VWA3A: variants seen among roughly 807,000 people sequenced by gnomAD.
The protein encoded by VWA3A is von Willebrand factor A domain containing 3A.
VWA3A carries 134 observed loss-of-function variants against 160.4 expected under a neutral mutation model. The observed-to-expected ratio is 0.84, with a 90% CI of 0.73 to 0.96. The LOEUF is 0.96. Among genes scored for constraint, VWA3A ranks in the 40% least tolerant of loss-of-function variants. The pLI, the probability that VWA3A is intolerant of heterozygous loss-of-function variation, is 0.00. For synonymous variants in VWA3A, 476 were observed against 543.4 expected, an observed-to-expected ratio of 0.88 and a Z score of 1.72; for missense variants, 1,310 against 1,447.9, an observed-to-expected ratio of 0.90 and a Z score of 1.55.
intron 1 of VWA3A, 27 bp downstream of exon 1, chr16:22,092,678 C>G: frequency 1.3e-6 from 2 of 1,550,422 alleles, no homozygotes; most frequent in Non-Finnish European, 1.7e-6. Flanking sequence ...CAAGGGTTGA[C>G]AGGGGTGGTG....
intron 22 of VWA3A, among the ~76,000 whole-genome samples, chr16:22,139,775 G>A (rs1025213334): frequency 2.6e-5 from 4 of 152,116 alleles, no homozygotes; most frequent in African/African-American, 9.7e-5. Context: ...TTGTCATGCT[G>A]GAGGCCCAGA....
intron 6 of VWA3A, among the ~76,000 whole-genome samples, chr16:22,104,731 A>G (rs1219786341): frequency 3.3e-5 from 5 of 152,196 alleles, no homozygotes; most frequent in Non-Finnish European, 2.9e-5. Context: ...ACCCAAGGGT[A>G]GAAGAGTGAC....
rs2046251036 is a variant in VWA3A at position 22,146,358 on chromosome 16, C to T, written c.2839+14C>T. ...GGCTGCTGTCCGGTGAGCCTGCCCA[C>T]TGCCCTGAAGGGTGGAGGAGCATGA... On this transcript the variant is annotated intron_variant, in intron 27 of 33. Transcript: ENST00000389398. 1.2e-6 allele frequency: 2 copies of T among 1,608,986 alleles called. No individual in the cohort carries two copies. The highest frequency in any genetic ancestry group is 2.2e-5 in the South Asian group (2 of 90,516).
Position 22,139,369 on chromosome 16 carries a change from G to A in VWA3A, c.2293-785G>A, listed in dbSNP as rs186165411. Among the ~76,000 whole-genome samples, 13 of 152,274 alleles carry A rather than the reference G, an allele frequency of 8.5e-5. No individual in the cohort carries two copies. The East Asian group carries it at 2.3e-3, about 27-fold the overall frequency. The stretch of plus-strand genomic sequence containing the variant: ...GTTTAATGACCGCCACACTCCAGTC[G>A]TGGCTGAGAATGAAGGAACTCTTCC... On this transcript the variant is annotated intron_variant, in intron 22 of 33. Coordinates refer to ENST00000389398, the MANE Select transcript of VWA3A (RefSeq NM_173615.5).
chr16:22,155,530 C>T, intron 31 of VWA3A, 37 bp from the exon 32 acceptor site: 5 of 1,586,022 alleles, frequency 3.2e-6, no homozygotes, highest in Non-Finnish European at 4.3e-6. Flanking sequence ...CAGCTCCCAT[C>T]CAGTCATAAA....
Position 22,100,308 on chromosome 16 carries a change from A to G in VWA3A, c.340A>G (p.Thr114Ala). ...LTLADLISQG[T>A]EVLEEGTNVV... is the part of the protein sequence containing the mutation. ...CTTGGCTGACCTGATAAGCCAGGGC[A>G]CAGAAGTGCTGTAAGTCTGAAGCTG... The change falls in exon 4 of 34, where the codon ACA (threonine) becomes GCA (alanine). Residue 114 changes from threonine (T) to alanine (A), a missense_variant. By Grantham distance (58) the Thr-to-Ala change is moderately conservative. Coordinates refer to ENST00000389398, the MANE Select transcript of VWA3A (RefSeq NM_173615.5). 2.6e-6 allele frequency: 4 copies of G among 1,551,632 alleles called. No individual in the cohort carries two copies. Among genetic ancestry groups the G allele is most frequent in the Non-Finnish European group, 3.5e-6 (4 of 1,146,992 alleles).
In VWA3A at chr16:22,146,297, A is replaced by G; in HGVS notation, c.2792A>G (p.Glu931Gly). The G allele has an allele frequency of 1.9e-6, 3 of 1,613,588 alleles. No homozygotes were observed. In the East Asian group the frequency reaches 6.7e-5, roughly 36 times the overall value. The part of the protein sequence containing the change: ...REMEVYIRHL[E>G]KVLRRYVQRL... The stretch of plus-strand genomic sequence containing the variant: ...ATGGAGGTGTACATCAGGCACTTGG[A>G]GAAGGTGTTAAGGCGCTATGTCCAG... Residue 931 changes from glutamate to glycine, a missense_variant, in exon 27 of 34, where the codon GAG (glutamate) becomes GGG (glycine). Glu to Gly is a moderately conservative substitution (Grantham distance 98, BLOSUM62 -2). Transcript: ENST00000389398.
chr16:22,116,481 A>G, intron 9 of VWA3A: 1 of 519,778 alleles, frequency 1.9e-6, no homozygotes, highest in East Asian at 4.1e-5. Flanking sequence ...GAGAGAAAGA[A>G]AAGAAAGAGA....
At chr16:22,133,149 C>T (rs1305061866) in intron 20 of VWA3A, 54 bp downstream of exon 20, 2 of 1,550,850 alleles carry the variant, frequency 1.3e-6, no homozygotes, top group Admixed American at 1.9e-5. Context: ...TGTCTCAGCA[C>T]CAGCATAGCT....
rs182951065 is a variant in VWA3A, at chr16:22,152,163, A to G, written c.3282-348A>G. Among the ~76,000 whole-genome samples the G allele has an allele frequency of 1.1e-3, 170 of 152,234 alleles. 1 individual carries two copies. Among genetic ancestry groups the G allele is most frequent in the African/African-American group, 3.8e-3 (157 of 41,546 alleles). On this transcript the variant is annotated intron_variant, in intron 30 of 33. Coordinates refer to ENST00000389398, the MANE Select transcript of VWA3A (RefSeq NM_173615.5). ...GAGGCTGAGGTTGCAGTGAGCCAAG[A>G]TTGTGCCACTGCACTCCAGCCTGGG...
chr16:22,142,051 G>T (rs2046160497), intron 24 of VWA3A, among the ~76,000 whole-genome samples: 1 of 152,152 alleles, frequency 6.6e-6, no homozygotes, highest in South Asian at 2.1e-4. Context: ...CAGATCCCAA[G>T]AACAATTCAT....
chr16:22,103,934 C>G (rs547735825), intron 6 of VWA3A, among the ~76,000 whole-genome samples: 2 of 152,264 alleles, frequency 1.3e-5, no homozygotes, highest in African/African-American at 4.8e-5. Flanking sequence ...AGGCCTGGAA[C>G]TAGTGCTGAC....
chr16:22,129,392 A>AC (rs1257803386), intron 17 of VWA3A, among the ~76,000 whole-genome samples: 1 of 111,722 alleles, frequency 9.0e-6, no homozygotes, highest in Non-Finnish European at 1.6e-5. Context: ...CCATCTCAAA[A>AC]AAAAAAAAAA....
At chr16:22,152,087 T>C (rs890781453) in intron 30 of VWA3A, among the ~76,000 whole-genome samples, 19 of 152,160 alleles carry the variant, frequency 1.2e-4, no homozygotes, top group Non-Finnish European at 2.2e-4. Context: ...GGCAGGTGCC[T>C]GTAGTCCCAG....
intron 8 of VWA3A, among the ~76,000 whole-genome samples, chr16:22,112,577 A>C (rs2045568449): frequency 6.6e-6 from 1 of 152,046 alleles, no homozygotes; most frequent in South Asian, 2.1e-4. Flanking sequence ...AAATTAGCCC[A>C]GTGTGATGGC....
intron 9 of VWA3A, among the ~76,000 whole-genome samples, chr16:22,115,963 GGAGGGAGGGAGA>G (rs2045633598): frequency 1.1e-5 from 1 of 91,750 alleles, no homozygotes; most frequent in African/African-American, 4.9e-5. Context: ...GGGGAGGGAG[GGAGGGAGGGAGA>G]GAGAGAGAGA....
At chr16:22,155,461 C>A in intron 31 of VWA3A, 106 bp from the exon 32 acceptor site, 2 of 989,912 alleles carry the variant, frequency 2.0e-6, no homozygotes, top group Non-Finnish European at 3.2e-6. Flanking sequence ...ATTTCCTGCA[C>A]TGGATGGAAA....
chr16:22,126,637 A>T (rs1186735854), intron 17 of VWA3A, among the ~76,000 whole-genome samples: 1 of 152,174 alleles, frequency 6.6e-6, no homozygotes, highest in Non-Finnish European at 1.5e-5. Context: ...CCCTAGTGTC[A>T]GTCCTCAGCC....
intron 1 of VWA3A, among the ~76,000 whole-genome samples, chr16:22,093,219 C>T (rs779189897): frequency 1.3e-5 from 2 of 152,096 alleles, no homozygotes; most frequent in Non-Finnish European, 2.9e-5. Context: ...AATGGATCTA[C>T]TTCTAGTATG....
Sources: gnomAD v4.1 joint callset for allele counts (sites outside exome capture counted in the v4.1 genomes callset) on GRCh38, gnomAD v4.1.1 for gene constraint, MANE v1.5 for transcripts, NCBI Gene and HGNC (gene_info 2026-07-23, HGNC 2026-07-21) for gene names.